The following PCDHGB4 variants were observed in gnomAD, a reference collection of about 807,000 sequenced individuals.
PCDHGB4 encodes the protein protocadherin gamma-B4.
A neutral mutation model predicts 60.5 loss-of-function variants in PCDHGB4; 38 were observed. The ratio of observed to expected loss-of-function variants is 0.63; its 90% CI spans 0.48 to 0.82. The LOEUF (loss-of-function observed/expected upper bound fraction) is 0.82. Ranked by LOEUF, PCDHGB4 falls within the 40% of genes least tolerant of loss-of-function variation. The pLI is 0.00. For synonymous variants in PCDHGB4, 456 were observed against 509.7 expected (o/e 0.89, Z 1.42); for missense variants, 1,109 against 1,209.6 (o/e 0.92, Z 1.23).
At chr5:141,462,157 A>C (rs1232551906) in intron 1 of PCDHGB4, among the ~76,000 whole-genome samples, 1 of 151,394 alleles carries the variant, frequency 6.6e-6, no homozygotes, top group African/African-American at 2.4e-5. Flanking sequence ...ATGGGGTTTC[A>C]TCATGTTGGC....
In PCDHGB4 at chr5:141,390,183, T is replaced by G; in HGVS notation, c.2299T>G (p.Cys767Gly). Reference sequence around the variant, plus strand: ...AAAGACGGAGTTTAATTTCCTAAAATGTAGTGAGCAGTTGAGTTCAGGACA... The same window carrying G: ...AAAGACGGAGTTTAATTTCCTAAAAGGTAGTGAGCAGTTGAGTTCAGGACA... ...TGKTEFNFLKCSEQLSSGQDI... is the reference protein window; with the variant it reads ...TGKTEFNFLKGSEQLSSGQDI... The change falls in exon 1 of 4, where the codon TGT (cysteine) becomes GGT (glycine). Residue 767 changes from cysteine (C) to glycine (G), a missense_variant. This residue lies in a region of PCDHGB4 where 1,068 missense variants were observed against 1,089.9 expected (regional missense o/e 0.98). Transcript: ENST00000519479. 2 of 1,614,036 alleles carry G rather than the reference T, an allele frequency of 1.2e-6. No homozygotes were observed. Among genetic ancestry groups the G allele is most frequent in the Non-Finnish European group, 1.7e-6 (2 of 1,179,900 alleles).
At chr5:141,395,186 G>A in intron 1 of PCDHGB4, 1 of 1,614,086 alleles carries the variant, frequency 6.2e-7, no homozygotes, top group Non-Finnish European at 8.5e-7. Flanking sequence ...ATGATTCTTT[G>A]TTAACATCCG....
chr5:141,494,661 G>A, intron 1 of PCDHGB4, 146 bp from the exon 2 acceptor site: 2 of 1,492,976 alleles, frequency 1.3e-6, no homozygotes, highest in Non-Finnish European at 1.8e-6. Context: ...TTTGTCTTTG[G>A]AGATGAGTCC....
At chr5:141,494,188 T>C (rs2099752632) in intron 1 of PCDHGB4, among the ~76,000 whole-genome samples, 1 of 152,186 alleles carries the variant, frequency 6.6e-6, no homozygotes, top group South Asian at 2.1e-4. Flanking sequence ...GTCCCGGGAC[T>C]TGGATGCCCC....
In PCDHGB4 at chr5:141,476,229, C is replaced by T; in HGVS notation, c.2398-18578C>T. ...TCCACGGTCATTCACTATGAGATCC[C>T]GGAGGAAAGAGAGAAGGGTTTCGCT... On this transcript the variant is annotated intron_variant, in intron 1 of 3. Coordinates refer to ENST00000519479, the MANE Select transcript of PCDHGB4 (RefSeq NM_003736.4). The surrounding 1 kb of genome is among the most constrained non-coding windows in gnomAD (Gnocchi z 7.6). 1 of 1,613,872 alleles carries T rather than the reference C, an allele frequency of 6.2e-7. No individual in the cohort carries two copies. The highest frequency in any genetic ancestry group is 2.2e-5 in the East Asian group (1 of 44,822).
intron 1 of PCDHGB4, among the ~76,000 whole-genome samples, chr5:141,463,684 G>C (rs2099066814): frequency 6.6e-6 from 1 of 151,910 alleles, no homozygotes; most frequent in African/African-American, 2.4e-5. Flanking sequence ...ATGACCTCGT[G>C]ATCTGCTCAC....
Position 141,432,108 on chromosome 5 carries a change from C to G in PCDHGB4, c.2397+41827C>G. ...GTGGCAGACACCAACGACAACCCGC[C>G]GGTCTTCCCTCAGGCCTCCTATTCC... On this transcript the variant is annotated intron_variant, in intron 1 of 3. Coordinates refer to ENST00000519479, the MANE Select transcript of PCDHGB4 (RefSeq NM_003736.4). The surrounding 1 kb of genome is among the most constrained non-coding windows in gnomAD (Gnocchi z 6.0). 4 of 1,614,180 alleles carry G rather than the reference C, an allele frequency of 2.5e-6. No homozygotes were observed. The highest frequency in any genetic ancestry group is 3.4e-6 in the Non-Finnish European group (4 of 1,180,046).
At chr5:141,423,100 G>A in intron 1 of PCDHGB4, 1 of 1,613,944 alleles carries the variant, frequency 6.2e-7, no homozygotes, top group Non-Finnish European at 8.5e-7. Context: ...GGAGCACACG[G>A]GCGAGGTGCG....
chr5:141,414,986 A>G, intron 1 of PCDHGB4: 4 of 1,613,824 alleles, frequency 2.5e-6, no homozygotes, highest in Non-Finnish European at 3.4e-6. Context: ...GACTCCGGCC[A>G]GAACGCCTGG....
intron 1 of PCDHGB4, chr5:141,390,549 T>A (rs1258668887): frequency 2.1e-6 from 1 of 482,262 alleles, no homozygotes; most frequent in Non-Finnish European, 3.7e-6. Context: ...AAAGTGAAAG[T>A]GTTAGACAGT....
At chr5:141,482,555 T>C (rs1419129474) in intron 1 of PCDHGB4, among the ~76,000 whole-genome samples, 1 of 116,392 alleles carries the variant, frequency 8.6e-6, no homozygotes, top group African/African-American at 3.8e-5. Context: ...AAAAAGATAA[T>C]GGAGATCTGC....
Position 141,511,843 on chromosome 5 carries a change from GT to G in PCDHGB4, c.*674del, listed in dbSNP as rs1413398495. On this transcript the variant is annotated 3_prime_UTR_variant, in exon 4 of 4. Coordinates refer to ENST00000519479, the MANE Select transcript of PCDHGB4 (RefSeq NM_003736.4). ...CCAACGCCCTGGGGACCAGTCTTCT[GT>G]TTTGTTTTTCATTGTTTGACGTTTC... 1 of 156,550 alleles carries G rather than the reference GT, an allele frequency of 6.4e-6. No individual in the cohort carries two copies. The highest frequency in any genetic ancestry group is 2.4e-5 in the African/African-American group (1 of 41,452). The allele number at this position is 156,550 out of a possible 1,614,324, so 9.7% of individuals were successfully genotyped here. A position where few individuals can be genotyped will look rare whatever the true frequency, so the allele number is the denominator to read the frequency against.
At position 141,431,119 on chromosome 5, in the gene PCDHGB4, A is replaced by C. The variant is rs147514897; in HGVS notation, c.2397+40838A>C. 1.2e-6 allele frequency: 2 copies of C among 1,614,134 alleles called. No individual in the cohort carries two copies. The highest frequency in any genetic ancestry group is 2.7e-5 in the African/African-American group (2 of 74,956). ...ATAAAGTGAAAATATATGGAGTAGA[A>C]GTAGAAGTAAGGGACATTAACGACA... On this transcript the variant is annotated intron_variant, in intron 1 of 3. Coordinates refer to ENST00000519479, the MANE Select transcript of PCDHGB4 (RefSeq NM_003736.4). The surrounding 1 kb of genome is among the most constrained non-coding windows in gnomAD (Gnocchi z 4.8).
intron 2 of PCDHGB4, among the ~76,000 whole-genome samples, chr5:141,498,114 G>C (rs1336064850): frequency 6.6e-6 from 1 of 152,196 alleles, no homozygotes; most frequent in East Asian, 1.9e-4. Flanking sequence ...CGTATAATAG[G>C]GATTTGATTT....
chr5:141,475,300 T>C (rs1383092136), intron 1 of PCDHGB4, among the ~76,000 whole-genome samples: 3 of 152,332 alleles, frequency 2.0e-5, no homozygotes, highest in South Asian at 2.1e-4. Context: ...AATTTCTTAT[T>C]GCTCCCTGGT....
intron 1 of PCDHGB4, chr5:141,423,881 G>A (rs2096788712): frequency 7.8e-7 from 1 of 1,281,784 alleles, no homozygotes; most frequent in Non-Finnish European, 9.9e-7. Flanking sequence ...TTCAATCTTG[G>A]CATATTTTCT....
Position 141,425,952 on chromosome 5 carries a change from T to C in PCDHGB4, c.2397+35671T>C, listed in dbSNP as rs1047436598. 3.9e-5 allele frequency among the ~76,000 whole-genome samples: 6 copies of C among 152,364 alleles called. No individual in the cohort carries two copies. In the South Asian group the frequency reaches 8.3e-4, roughly 21 times the overall value. ...ATAAAATGTCTAGTTTCCTATACATTAGTCCAACACATCAGTCTAATTCTG... is the reference window on the plus strand; with the variant it reads ...ATAAAATGTCTAGTTTCCTATACATCAGTCCAACACATCAGTCTAATTCTG... On this transcript the variant is annotated intron_variant, in intron 1 of 3. Coordinates refer to ENST00000519479, the MANE Select transcript of PCDHGB4 (RefSeq NM_003736.4).
chr5:141,387,949 T>C lies in PCDHGB4; in HGVS notation c.65T>C (p.Leu22Pro), dbSNP rs1016295879. The C allele has an allele frequency of 1.6e-5, 24 of 1,491,992 alleles. No individual in the cohort carries two copies. Among genetic ancestry groups the C allele is most frequent in the Non-Finnish European group, 2.1e-5 (23 of 1,116,382 alleles). 92.4% of individuals were successfully genotyped at this position (1,491,992 alleles called of 1,614,324 possible). Residue 22 changes from leucine to proline, a missense_variant, in exon 1 of 4, where the codon CTG becomes CCG. Transcript: ENST00000519479. ...ERLPVLFLFL[L>P]SLFCPALCEQ... ...CTGCCAGTGCTCTTTCTCTTCCTGC[T>C]GTCTTTGTTCTGCCCGGCGCTCTGT...
intron 1 of PCDHGB4, chr5:141,421,044 C>CGCCT (rs891153203): frequency 6.4e-5 from 35 of 548,614 alleles, no homozygotes; most frequent in African/African-American, 6.0e-4. Context: ...CTCCCTCCCC[C>CGCCT]GCCTCTACCA....
Sources: allele counts gnomAD v4.1 joint callset (sites outside exome capture counted in the v4.1 genomes callset), GRCh38; gene constraint gnomAD v4.1.1; regional missense constraint gnomAD v4.1.1; non-coding constraint Gnocchi (gnomAD v3.1); transcripts MANE v1.5; gene names NCBI Gene and HGNC (gene_info 2026-07-23, HGNC 2026-07-21).